FREM3: variants seen among roughly 807,000 people sequenced by gnomAD.
FREM3 encodes the protein FRAS1 related extracellular matrix 3.
FREM3 carries 105 observed loss-of-function variants against 129.1 expected under a neutral mutation model. That is an observed-to-expected ratio of 0.81 (90% confidence interval 0.69 to 0.96). The LOEUF is 0.96. Ranked by LOEUF, FREM3 falls within the 40% of genes least tolerant of loss-of-function variation. The pLI is 0.00. For synonymous variants in FREM3, 1,014 were observed against 1,044.9 expected (o/e 0.97, Z 0.57); for missense variants, 2,593 against 2,666.3 (o/e 0.97, Z 0.61).
At chr4:143,582,838 CACT>C (rs1226453278) in intron 7 of FREM3, among the ~76,000 whole-genome samples, 2 of 151,452 alleles carry the variant, frequency 1.3e-5, no homozygotes, top group Non-Finnish European at 2.9e-5. Flanking sequence ...GAGCTGAAAA[CACT>C]ACAAGAATTT....
intron 3 of FREM3, among the ~76,000 whole-genome samples, chr4:143,625,596 C>T (rs1032008577): frequency 1.3e-5 from 2 of 152,124 alleles, no homozygotes; most frequent in African/African-American, 2.4e-5. Context: ...AAGTGGGGAA[C>T]ATAAAAAAGA....
At chr4:143,623,970 A>G in intron 4 of FREM3, 138 bp downstream of exon 4, 2 of 605,336 alleles carry the variant, frequency 3.3e-6, no homozygotes. Flanking sequence ...TTGTCTATAA[A>G]GTAATTTACT....
intron 2 of FREM3, among the ~76,000 whole-genome samples, chr4:143,673,295 A>G (rs576370418): frequency 1.4e-4 from 21 of 152,124 alleles, no homozygotes; most frequent in Non-Finnish European, 2.8e-4. Context: ...CCTGTTTGTT[A>G]GTTTTCCTTC....
At chr4:143,592,465 G>C (rs1313282768) in intron 6 of FREM3, among the ~76,000 whole-genome samples, 1 of 152,174 alleles carries the variant, frequency 6.6e-6, no homozygotes, top group Non-Finnish European at 1.5e-5. Context: ...GCATTTGCTT[G>C]TCTGTGAAGT....
chr4:143,581,445 A>G (rs1738141212), intron 7 of FREM3, among the ~76,000 whole-genome samples: 1 of 152,098 alleles, frequency 6.6e-6, no homozygotes, highest in South Asian at 2.1e-4. Flanking sequence ...GGGAGCCTCT[A>G]CTGTTCACCA....
chr4:143,667,380 G>C (rs922909915), intron 2 of FREM3, among the ~76,000 whole-genome samples: 2 of 151,816 alleles, frequency 1.3e-5, no homozygotes, highest in Admixed American at 1.3e-4. Flanking sequence ...ATCTAATGCT[G>C]GGCAGTGTTT....
intron 2 of FREM3, among the ~76,000 whole-genome samples, chr4:143,675,471 A>G (rs909487754): frequency 6.6e-6 from 1 of 152,198 alleles, no homozygotes; most frequent in Non-Finnish European, 1.5e-5. Flanking sequence ...TAACATCACA[A>G]TTAAAAGAAC....
intron 2 of FREM3, among the ~76,000 whole-genome samples, chr4:143,640,639 C>T (rs1739307263): frequency 6.6e-6 from 1 of 152,092 alleles, no homozygotes; most frequent in African/African-American, 2.4e-5. Flanking sequence ...CATTGCACTC[C>T]AGCCTGGGCA....
intron 6 of FREM3, among the ~76,000 whole-genome samples, chr4:143,603,585 A>ATTC (rs1370213089): frequency 1.3e-5 from 2 of 152,178 alleles, no homozygotes; most frequent in Admixed American, 1.3e-4. Flanking sequence ...CAGATAAAGG[A>ATTC]ACAACTTAAT....
chr4:143,677,852 A>G (rs1740173036), intron 2 of FREM3, among the ~76,000 whole-genome samples: 1 of 152,236 alleles, frequency 6.6e-6, no homozygotes, highest in Admixed American at 6.5e-5. Flanking sequence ...ATGATCTCAC[A>G]GCAGTTAGAA....
intron 7 of FREM3, among the ~76,000 whole-genome samples, chr4:143,583,661 TA>T (rs879856579): frequency 1.2e-3 from 165 of 142,342 alleles, no homozygotes; most frequent in Admixed American, 1.3e-3. Context: ...TAAGCATTAT[TA>T]AAAAAAAAAA....
chr4:143,638,421 A>G (rs1739269142), intron 2 of FREM3, among the ~76,000 whole-genome samples: 1 of 152,212 alleles, frequency 6.6e-6, no homozygotes, highest in South Asian at 2.1e-4. Context: ...TCAGGAGCAT[A>G]CAAGATTTAA....
At chr4:143,622,403 C>T (rs1356360737) in intron 4 of FREM3, among the ~76,000 whole-genome samples, 7 of 138,858 alleles carry the variant, frequency 5.0e-5, no homozygotes, top group South Asian at 2.3e-4. Context: ...TGGCAATCAT[C>T]TTTTTTTTTT....
chr4:143,588,796 C>G (rs1376841060), intron 6 of FREM3, among the ~76,000 whole-genome samples: 3 of 150,456 alleles, frequency 2.0e-5, no homozygotes, highest in South Asian at 2.1e-4. Flanking sequence ...ATTTCTAGTT[C>G]TAGATCCCTG....
At chr4:143,611,556 G>A in intron 5 of FREM3, 29 bp from the exon 6 acceptor site, 1 of 1,524,306 alleles carries the variant, frequency 6.6e-7, no homozygotes, top group Non-Finnish European at 8.8e-7. Flanking sequence ...GAACAGGGAG[G>A]TTAAGAAGAA....
chr4:143,656,909 T>G (rs1739611547), intron 2 of FREM3, among the ~76,000 whole-genome samples: 1 of 152,094 alleles, frequency 6.6e-6, no homozygotes, highest in Non-Finnish European at 1.5e-5. Context: ...AAGTGAAAAC[T>G]AAGGGGAAGG....
chr4:143,608,271 C>T (rs890451407), intron 6 of FREM3, among the ~76,000 whole-genome samples: 11 of 152,158 alleles, frequency 7.2e-5, no homozygotes, highest in Non-Finnish European at 1.5e-4. Flanking sequence ...GCTTTTTTGA[C>T]AGCCATTTGC....
intron 2 of FREM3, among the ~76,000 whole-genome samples, chr4:143,642,815 A>G (rs1739344440): frequency 6.6e-6 from 1 of 152,110 alleles, no homozygotes; most frequent in Non-Finnish European, 1.5e-5. Context: ...ATGCTTTTGC[A>G]CAGCAAAGGA....
Position 143,697,489 on chromosome 4 carries a change from G to A in FREM3, c.3187C>T (p.Leu1063=). 6.5e-7 allele frequency: 1 copy of A among 1,537,232 alleles called. No individual in the cohort carries two copies. Among genetic ancestry groups the A allele is most frequent in the Non-Finnish European group, 8.7e-7 (1 of 1,146,890 alleles). Residue 1063 remains leucine (L), a synonymous_variant, in exon 1 of 8, where the codon CTG becomes TTG. Coordinates refer to ENST00000329798, the MANE Select transcript of FREM3 (RefSeq NM_001168235.2). ...IEKVQVQVTV[L]PVDNVGPKVF... is the part of the protein sequence containing the mutation. ...TTGGGTCCCACATTGTCCACAGGCA[G>A]CACAGTTACTTGTACCTGTACTTTC...
Sources: gnomAD v4.1 joint callset for allele counts (sites outside exome capture counted in the v4.1 genomes callset) on GRCh38, gnomAD v4.1.1 for gene constraint, MANE v1.5 for transcripts, NCBI Gene and HGNC (gene_info 2026-07-23, HGNC 2026-07-21) for gene names.